Variants in MYT1 observed in about 807,000 individuals in gnomAD.
The protein encoded by MYT1 is myelin transcription factor I.
A neutral mutation model predicts 123.0 loss-of-function variants in MYT1; 23 were observed. The observed-to-expected ratio is 0.19, with a 90% confidence interval of 0.13 to 0.26. The LOEUF (loss-of-function observed/expected upper bound fraction) is 0.26. Ranked by LOEUF, MYT1 falls within the 10% of genes least tolerant of loss-of-function variation. The probability of loss-of-function intolerance (pLI) is 1.00; values close to 1 mark genes in which losing one functional copy is unlikely to be tolerated. For missense variants in MYT1, 1,125 were observed against 1,472.5 expected, an observed-to-expected ratio of 0.76 and a Z score of 3.86; for synonymous variants, 518 against 575.3, an observed-to-expected ratio of 0.90 and a Z score of 1.43.
chr20:64,226,022 G>C (rs1335318590), intron 16 of MYT1, among the ~76,000 whole-genome samples: 1 of 152,162 alleles, frequency 6.6e-6, no homozygotes, highest in Non-Finnish European at 1.5e-5. Flanking sequence ...CTGTCACTCT[G>C]GCCACCTGAG....
At chr20:64,240,082 C>T (rs1364783448) in intron 22 of MYT1, among the ~76,000 whole-genome samples, 179 bp downstream of exon 22, 1 of 152,202 alleles carries the variant, frequency 6.6e-6, no homozygotes, top group Non-Finnish European at 1.5e-5. Flanking sequence ...TGGGTTTAGC[C>T]ACCATAATGA....
At position 64,239,768 on chromosome 20, in the gene MYT1, C is replaced by T. The variant is rs1984657524; in HGVS notation, c.3102C>T (p.Ser1034=). The T allele has an allele frequency of 3.1e-6, 5 of 1,613,804 alleles. No individual in the cohort carries two copies. The South Asian group carries it at 4.4e-5, about 14-fold the overall frequency. ...ATCTCTCTCTGGCACAGATCTCCTCCATGGAGAAGAACCTGAAGAACATCG... is the reference window on the plus strand; with the variant it reads ...ATCTCTCTCTGGCACAGATCTCCTCTATGGAGAAGAACCTGAAGAACATCG... ...AMVQLQSQIS[S]MEKNLKNIEE... The change falls in exon 22 of 23, where the codon TCC becomes TCT. Residue 1034 remains serine, a synonymous_variant. Transcript: ENST00000328439.
At chr20:64,228,377 T>C (rs1984230646) in intron 18 of MYT1, among the ~76,000 whole-genome samples, 1 of 152,140 alleles carries the variant, frequency 6.6e-6, no homozygotes, top group Non-Finnish European at 1.5e-5. Flanking sequence ...GTTAGAACAA[T>C]GTTGAAGCTC....
chr20:64,223,062 G>A, intron 14 of MYT1, 49 bp from the exon 15 acceptor site: 1 of 1,607,006 alleles, frequency 6.2e-7, no homozygotes, highest in Non-Finnish European at 8.5e-7. Context: ...CAGCCTGGGG[G>A]GCAGGTACAC....
chr20:64,169,614 G>A (rs1982184501), intron 1 of MYT1, among the ~76,000 whole-genome samples: 1 of 152,188 alleles, frequency 6.6e-6, no homozygotes, highest in Non-Finnish European at 1.5e-5. Flanking sequence ...ATACTTGGTT[G>A]TCAGTCGCTC....
chr20:64,220,090 G>A (rs1279292824), intron 13 of MYT1, 108 bp downstream of exon 13: 2 of 1,391,886 alleles, frequency 1.4e-6, no homozygotes, highest in Non-Finnish European at 1.9e-6. Flanking sequence ...ACAGGCTTCT[G>A]GAAGAGCCTC....
At position 64,219,803 on chromosome 20, in the gene MYT1, A is replaced by C. The variant is rs1983945903; in HGVS notation, c.2062A>C (p.Ser688Arg). The C allele has an allele frequency of 1.9e-6, 3 of 1,613,790 alleles. No homozygotes were observed. The highest frequency in any genetic ancestry group is 1.3e-5 in the African/African-American group (1 of 75,054). ...AGAAAATGCTTTCCCCAGCAGCAGCAGCTGCAGCAGCAGCCCCGGTGTGAA... is the reference window on the plus strand; with the variant it reads ...AGAAAATGCTTTCCCCAGCAGCAGCCGCTGCAGCAGCAGCCCCGGTGTGAA... ...KRENAFPSSS[S>R]CSSSPGVKSP... is the part of the protein sequence containing the mutation. Residue 688 changes from serine (S) to arginine (R), a missense_variant, in exon 13 of 23, where the codon AGC becomes CGC. This residue lies in a region of MYT1 where 429 missense variants were observed against 604.1 expected (regional missense o/e 0.71). Transcript: ENST00000328439.
intron 13 of MYT1, among the ~76,000 whole-genome samples, chr20:64,221,672 C>T (rs1288552679): frequency 1.3e-5 from 2 of 152,166 alleles, no homozygotes; most frequent in African/African-American, 4.8e-5. Context: ...CAACGCAGGA[C>T]CTCTGGCTGA....
rs372391346 is a variant in MYT1, at chr20:64,237,403, G to A, written c.3093+13G>A. 24 of 1,584,308 alleles carry A rather than the reference G, an allele frequency of 1.5e-5. No individual in the cohort carries two copies. In the Middle Eastern group the frequency reaches 5.3e-4, roughly 35 times the overall value. On this transcript the variant is annotated intron_variant, in intron 21 of 22. Transcript: ENST00000328439. Reference sequence around the variant, plus strand: ...GCTGCAGTCCCAGGTAGGTGGTGCCGCCCCCCGCTCCTGGGCTCTTTGCCC... The same window carrying A: ...GCTGCAGTCCCAGGTAGGTGGTGCCACCCCCCGCTCCTGGGCTCTTTGCCC...
At chr20:64,229,510 A>C (rs1045708168) in intron 18 of MYT1, among the ~76,000 whole-genome samples, 2 of 152,204 alleles carry the variant, frequency 1.3e-5, no homozygotes, top group African/African-American at 4.8e-5. Flanking sequence ...CAGCATTTGC[A>C]GGATAGAGGA....
At chr20:64,172,774 G>A (rs1030556595) in intron 1 of MYT1, among the ~76,000 whole-genome samples, 18 of 132,122 alleles carry the variant, frequency 1.4e-4, no homozygotes, top group African/African-American at 4.8e-4. Context: ...TGAAGATGGA[G>A]TCTCACTCTG....
intron 19 of MYT1, among the ~76,000 whole-genome samples, chr20:64,234,862 G>C (rs1984455830): frequency 1.3e-5 from 2 of 148,392 alleles, no homozygotes; most frequent in African/African-American, 5.0e-5. Context: ...GGCTGGCCGT[G>C]GTGGGTGACC....
rs998706712 is a variant in MYT1, at chr20:64,186,342, C to T, written c.-98-3721C>T. ...TCCAGGAGACGTGCTCAGGATGGAG[C>T]GGTCTCTGATGTTCCGTTTCCCATT... On this transcript the variant is annotated intron_variant, in intron 1 of 22. Transcript: ENST00000328439. The surrounding 1 kb of genome is among the most constrained non-coding windows in gnomAD (Gnocchi z 4.3). Among the ~76,000 whole-genome samples the T allele has an allele frequency of 1.1e-4, 17 of 152,128 alleles. No homozygotes were observed. The highest frequency in any genetic ancestry group is 2.9e-4 in the African/African-American group (12 of 41,428).
At position 64,208,636 on chromosome 20, in the gene MYT1, G is replaced by C; in HGVS notation, c.1291+149G>C. On this transcript the variant is annotated intron_variant, in intron 7 of 22. Transcript: ENST00000328439. The surrounding 1 kb of genome is among the most constrained non-coding windows in gnomAD (Gnocchi z 5.4). ...GGACAAATACATGACACAGACTGTG[G>C]TCAGATACTGAGCAAATGGGTTCCC... 1 of 1,343,364 alleles carries C rather than the reference G, an allele frequency of 7.4e-7. No individual in the cohort carries two copies. The highest frequency in any genetic ancestry group is 9.9e-7 in the Non-Finnish European group (1 of 1,013,838). 83.2% of individuals were successfully genotyped at this position (1,343,364 alleles called of 1,614,324 possible).
intron 19 of MYT1, among the ~76,000 whole-genome samples, chr20:64,233,997 G>A (rs540981339): frequency 1.3e-5 from 2 of 152,348 alleles, no homozygotes; most frequent in South Asian, 4.1e-4. Context: ...GGAGAGACTA[G>A]ATCTGGCATG....
rs1280660800 is a variant in MYT1, at chr20:64,203,466, G to T, written c.87-1569G>T. Reference sequence around the variant, plus strand: ...GCAACTCCCTCAGTTTGGAAAGGGAGCCCCCAGTCGAGTGTGGTGTGCCCT... The same window carrying T: ...GCAACTCCCTCAGTTTGGAAAGGGATCCCCCAGTCGAGTGTGGTGTGCCCT... On this transcript the variant is annotated intron_variant, in intron 4 of 22. Transcript: ENST00000328439. This position sits in a 1 kb window ranked among gnomAD's most constrained non-coding sequence, Gnocchi z 5.1. Among the ~76,000 whole-genome samples, 1 of 152,136 alleles carries T rather than the reference G, an allele frequency of 6.6e-6. No homozygotes were observed. Among genetic ancestry groups the T allele is most frequent in the East Asian group, 1.9e-4 (1 of 5,198 alleles).
intron 11 of MYT1, among the ~76,000 whole-genome samples, chr20:64,217,905 G>C (rs1324820814): frequency 6.6e-6 from 1 of 152,220 alleles, no homozygotes; most frequent in Non-Finnish European, 1.5e-5. Context: ...GTCTTGTCTT[G>C]TCACTTACTG....
chr20:64,193,791 G>A lies in MYT1; in HGVS notation c.-1+3631G>A, dbSNP rs974473730. ...AAACCATTATGCAAGAGGCTCAACC[G>A]TCCCACCGAGACACTATAACCTATG... is the stretch of plus-strand genomic sequence containing the variant. On this transcript the variant is annotated intron_variant, in intron 2 of 22. Transcript: ENST00000328439. This position sits in a 1 kb window ranked among gnomAD's most constrained non-coding sequence, Gnocchi z 4.0. 1.4e-5 allele frequency among the ~76,000 whole-genome samples: 2 copies of A among 141,238 alleles called. No individual in the cohort carries two copies. The highest frequency in any genetic ancestry group is 7.0e-5 in the Admixed American group (1 of 14,374). 92.7% of individuals were successfully genotyped at this position (141,238 alleles called of 152,430 possible). A position where few individuals can be genotyped will look rare whatever the true frequency, so the allele number is the denominator to read the frequency against.
intron 18 of MYT1, among the ~76,000 whole-genome samples, chr20:64,229,854 G>T (rs1031991899): frequency 4.6e-5 from 7 of 152,196 alleles, no homozygotes; most frequent in Non-Finnish European, 7.3e-5. Flanking sequence ...TCTTGCGGAG[G>T]TTCCAGCATG....
Sources: gnomAD v4.1 joint callset for allele counts (sites outside exome capture counted in the v4.1 genomes callset) on GRCh38, gnomAD v4.1.1 for gene constraint, gnomAD v4.1.1 regional missense constraint, Gnocchi (gnomAD v3.1) non-coding constraint, MANE v1.5 for transcripts, NCBI Gene and HGNC (gene_info 2026-07-23, HGNC 2026-07-21) for gene names.